HDAC9: variants seen among roughly 807,000 people sequenced by gnomAD.
HDAC9 encodes MEF-2 interacting transcription repressor (MITR) protein.
A neutral mutation model predicts 139.4 loss-of-function variants in HDAC9; 41 were observed. That is an observed-to-expected ratio of 0.29 (90% CI 0.23 to 0.38). The LOEUF is 0.38. Ranked by LOEUF, HDAC9 falls within the 10% of genes least tolerant of loss-of-function variation. The pLI, the probability that HDAC9 is intolerant of heterozygous loss-of-function variation, is 1.00. For synonymous variants in HDAC9, 517 were observed against 476.2 expected, an observed-to-expected ratio of 1.09 and a Z score of -1.12; for missense variants, 1,147 against 1,297.0, an observed-to-expected ratio of 0.88 and a Z score of 1.78.
intron 2 of HDAC9, among the ~76,000 whole-genome samples, chr7:18,566,151 A>G (rs1250971878): frequency 6.6e-6 from 1 of 152,216 alleles, no homozygotes; most frequent in East Asian, 1.9e-4. Context: ...GTTTTCATTG[A>G]GAGAGAAAAT....
At chr7:18,761,396 G>A (rs943728146) in intron 14 of HDAC9, among the ~76,000 whole-genome samples, 1 of 152,176 alleles carries the variant, frequency 6.6e-6, no homozygotes. Flanking sequence ...TAAACAGCAG[G>A]TTTTGTTTTT....
chr7:18,892,117 G>A (rs1476318411), intron 22 of HDAC9: 1 of 152,100 alleles, frequency 6.6e-6, no homozygotes, highest in Non-Finnish European at 1.5e-5. Context: ...GGAGTTTATT[G>A]GAAGAAACAC....
chr7:18,517,987 C>T (rs1239731249), intron 2 of HDAC9: 2 of 152,168 alleles, frequency 1.3e-5, no homozygotes, highest in Admixed American at 6.6e-5. Context: ...CACATGCTCA[C>T]ACTTACAGTT....
intron 2 of HDAC9, among the ~76,000 whole-genome samples, chr7:18,246,038 G>A (rs989487073): frequency 6.6e-6 from 1 of 150,828 alleles, no homozygotes; most frequent in Non-Finnish European, 1.5e-5. Context: ...CTGAACACAA[G>A]GGCAAAGACC....
At chr7:18,660,839 A>G (rs568635563) in intron 11 of HDAC9, among the ~76,000 whole-genome samples, 3 of 152,254 alleles carry the variant, frequency 2.0e-5, no homozygotes, top group African/African-American at 7.2e-5. Flanking sequence ...GAAAGAGAGA[A>G]CAAGATCCCA....
chr7:18,440,309 C>T (rs535453284), intron 1 of HDAC9, among the ~76,000 whole-genome samples: 3 of 151,966 alleles, frequency 2.0e-5, no homozygotes, highest in East Asian at 1.9e-4. Context: ...CTCAGCCTCC[C>T]GAGTACCTGG....
At chr7:18,891,994 T>G (rs1465491886) in intron 22 of HDAC9, 1 of 152,176 alleles carries the variant, frequency 6.6e-6, no homozygotes, top group Non-Finnish European at 1.5e-5. Flanking sequence ...ATTTTTTACT[T>G]GCAACCAAAG....
intron 17 of HDAC9, among the ~76,000 whole-genome samples, chr7:18,795,672 G>A (rs988115884): frequency 3.3e-5 from 5 of 152,194 alleles, no homozygotes; most frequent in African/African-American, 1.2e-4. Flanking sequence ...GAAGCCCTGG[G>A]TTGCTAATAA....
chr7:18,359,861 G>A (rs1343752022), intron 1 of HDAC9, among the ~76,000 whole-genome samples: 6 of 152,050 alleles, frequency 3.9e-5, no homozygotes, highest in African/African-American at 9.7e-5. Context: ...CGCCCACCTC[G>A]GCCTCCCAAA....
intron 22 of HDAC9, among the ~76,000 whole-genome samples, chr7:18,924,560 T>G (rs1272814254): frequency 6.6e-6 from 1 of 152,094 alleles, no homozygotes; most frequent in Non-Finnish European, 1.5e-5. Flanking sequence ...CCAAGGAATG[T>G]TTTTGGCAAT....
chr7:18,741,516 G>C (rs531462060), intron 13 of HDAC9, among the ~76,000 whole-genome samples: 1 of 152,236 alleles, frequency 6.6e-6, no homozygotes, highest in African/African-American at 2.4e-5. Flanking sequence ...TTCAAAATAT[G>C]ACTGCCTAAT....
chr7:18,967,463 T>C lies in HDAC9; in HGVS notation c.3023-8343T>C, dbSNP rs371647629. ...TATTCTATATTTTTCATTCAATTTA[T>C]GGAATCAAAGCAAAATTTTTGTAAA... On this transcript the variant is annotated intron_variant, in intron 24 of 25. Coordinates refer to ENST00000686413, the MANE Select transcript of HDAC9 (RefSeq NM_178425.4). 8.2e-5 allele frequency among the ~76,000 whole-genome samples: 12 copies of C among 147,160 alleles called. No homozygotes were observed. In the East Asian group the frequency reaches 1.8e-3, roughly 22 times the overall value.
intron 1 of HDAC9, among the ~76,000 whole-genome samples, chr7:18,296,941 G>T (rs192915987): frequency 6.6e-6 from 1 of 152,258 alleles, no homozygotes; most frequent in East Asian, 1.9e-4. Flanking sequence ...CTTTGTATGC[G>T]GTGCCTTCTT....
intron 25 of HDAC9, among the ~76,000 whole-genome samples, chr7:18,976,913 A>G (rs1784585313): frequency 6.6e-6 from 1 of 152,220 alleles, no homozygotes; most frequent in Non-Finnish European, 1.5e-5. Flanking sequence ...AGATCCTGCT[A>G]CTAGTGCACA....
At chr7:18,785,574 A>G (rs559670574) in intron 16 of HDAC9, among the ~76,000 whole-genome samples, 22 of 152,298 alleles carry the variant, frequency 1.4e-4, no homozygotes, top group African/African-American at 5.3e-4. Context: ...TGATTTAAAA[A>G]AAATATTTTA....
At chr7:18,303,399 GTGTGTGTGTGTGTGTGTGTGTGTGTT>G (rs1422461625) in intron 1 of HDAC9, among the ~76,000 whole-genome samples, 6 of 137,996 alleles carry the variant, frequency 4.3e-5, no homozygotes, top group African/African-American at 1.1e-4. Context: ...GTGTGTGTGT[GTGTGTGTGTGTGTGTGTGTGTGTGTT>G]TTTAGTAGAG....
intron 2 of HDAC9, among the ~76,000 whole-genome samples, chr7:18,169,313 T>A (rs1788238972): frequency 1.3e-5 from 2 of 152,192 alleles, no homozygotes; most frequent in Admixed American, 6.5e-5. Flanking sequence ...AATTGTCTCC[T>A]TATCCACTGC....
At chr7:18,375,478 A>G (rs565044971) in intron 1 of HDAC9, among the ~76,000 whole-genome samples, 3 of 145,882 alleles carry the variant, frequency 2.1e-5, no homozygotes, top group Non-Finnish European at 4.4e-5. Flanking sequence ...CAAAACAACA[A>G]CAACAACAAA....
At chr7:18,310,522 T>A (rs575362906) in intron 1 of HDAC9, among the ~76,000 whole-genome samples, 67 of 152,300 alleles carry the variant, frequency 4.4e-4, no homozygotes, top group Non-Finnish European at 8.1e-4. Context: ...CCAGTTGTAT[T>A]TTTCTAATTA....
Sources: gnomAD v4.1 joint callset for allele counts (sites outside exome capture counted in the v4.1 genomes callset) on GRCh38, gnomAD v4.1.1 for gene constraint, MANE v1.5 for transcripts, NCBI Gene and HGNC (gene_info 2026-07-23, HGNC 2026-07-21) for gene names.